Variants in TAFA1 observed in about 807,000 individuals in gnomAD.
TAFA1 encodes TAFA chemokine like family member 1.
Under a neutral mutation model 18.5 loss-of-function variants are expected in TAFA1, and 4 were observed. That is an observed-to-expected ratio of 0.22 (90% CI 0.11 to 0.49). The LOEUF (loss-of-function observed/expected upper bound fraction) is 0.49, where lower values mean the gene tolerates loss of function less well. Among genes scored for constraint, TAFA1 ranks in the 20% least tolerant of loss-of-function variants. The probability of loss-of-function intolerance (pLI) is 0.98; values close to 1 mark genes in which losing one functional copy is unlikely to be tolerated. For synonymous variants in TAFA1, 56 were observed against 55.2 expected (o/e 1.01, Z -0.06); for missense variants, 147 against 169.0 (o/e 0.87, Z 0.72).
chr3:68,389,163 C>G (rs765163982), intron 2 of TAFA1, among the ~76,000 whole-genome samples: 10 of 152,054 alleles, frequency 6.6e-5, no homozygotes, highest in Non-Finnish European at 1.3e-4. Context: ...TTTATTCTGC[C>G]TCGGGGGACT....
chr3:68,415,849 G>A (rs1180358690), intron 2 of TAFA1, among the ~76,000 whole-genome samples: 1 of 152,146 alleles, frequency 6.6e-6, no homozygotes, highest in African/African-American at 2.4e-5. Flanking sequence ...AAAAGAGGCT[G>A]ATATGAAAGC....
intron 2 of TAFA1, among the ~76,000 whole-genome samples, chr3:68,373,537 C>A (rs262202): frequency 6.6e-6 from 1 of 151,910 alleles, no homozygotes; most frequent in Admixed American, 6.6e-5. Context: ...ATCTGCTCTA[C>A]CCCCTTTGCC....
At chr3:68,479,879 T>TACAC (rs142114344) in intron 3 of TAFA1, among the ~76,000 whole-genome samples, 3 of 150,244 alleles carry the variant, frequency 2.0e-5, no homozygotes, top group East Asian at 1.9e-4. Context: ...TACACACGCA[T>TACAC]ACACACACAC....
chr3:68,335,623 G>A (rs954792915), intron 2 of TAFA1, among the ~76,000 whole-genome samples: 28 of 151,950 alleles, frequency 1.8e-4, no homozygotes, highest in Non-Finnish European at 4.0e-4. Context: ...AAAATATAAG[G>A]CATGTTTTTA....
Position 68,033,080 on chromosome 3 carries a change from A to G in TAFA1, c.118+26336A>G, listed in dbSNP as rs904353939. 3.3e-5 allele frequency among the ~76,000 whole-genome samples: 5 copies of G among 152,304 alleles called. No individual in the cohort carries two copies. The East Asian group carries it at 9.6e-4, about 29-fold the overall frequency. On this transcript the variant is annotated intron_variant, in intron 2 of 4. Coordinates refer to ENST00000478136, the MANE Select transcript of TAFA1 (RefSeq NM_213609.4). ...CTCAACAGTCACTTAGGAAGGTAATACCTAGTTGTGAAATACAATAATGAA... is the reference window on the plus strand; with the variant it reads ...CTCAACAGTCACTTAGGAAGGTAATGCCTAGTTGTGAAATACAATAATGAA...
intron 2 of TAFA1, among the ~76,000 whole-genome samples, chr3:68,075,420 A>G (rs991649340): frequency 6.6e-6 from 1 of 152,204 alleles, no homozygotes; most frequent in African/African-American, 2.4e-5. Context: ...ATGATATTAC[A>G]TTCAACCCCA....
chr3:68,514,354 A>C (rs893218061), intron 3 of TAFA1, among the ~76,000 whole-genome samples: 4 of 152,220 alleles, frequency 2.6e-5, no homozygotes, highest in Non-Finnish European at 5.9e-5. Context: ...ACTTTGAAAC[A>C]GTGCCTTTGA....
chr3:68,433,510 A>G (rs2071216374), intron 3 of TAFA1, among the ~76,000 whole-genome samples: 1 of 152,116 alleles, frequency 6.6e-6, no homozygotes, highest in Non-Finnish European at 1.5e-5. Context: ...ACATTTTAAT[A>G]CTATCTTTAT....
At chr3:68,237,384 A>C (rs1267911718) in intron 2 of TAFA1, among the ~76,000 whole-genome samples, 1 of 152,176 alleles carries the variant, frequency 6.6e-6, no homozygotes, top group Non-Finnish European at 1.5e-5. Flanking sequence ...TAGGATTTCA[A>C]CATATGAATT....
chr3:68,383,482 T>C (rs1427979297), intron 2 of TAFA1, among the ~76,000 whole-genome samples: 1 of 152,150 alleles, frequency 6.6e-6, no homozygotes, highest in African/African-American at 2.4e-5. Flanking sequence ...ATGAATCACA[T>C]TTATTTTTTT....
chr3:68,362,940 CT>C (rs10681791), intron 2 of TAFA1, among the ~76,000 whole-genome samples: 1,694 of 121,612 alleles, frequency 0.014, 17 homozygotes, highest in Non-Finnish European at 0.02. Context: ...AGATTTCTTC[CT>C]TTTTTTTTTT....
At chr3:68,045,742 T>C (rs1705254773) in intron 2 of TAFA1, among the ~76,000 whole-genome samples, 2 of 152,174 alleles carry the variant, frequency 1.3e-5, no homozygotes, top group Admixed American at 1.3e-4. Flanking sequence ...ATGATGTGTA[T>C]GTATTATTCT....
At chr3:68,220,461 A>C (rs2066715490) in intron 2 of TAFA1, among the ~76,000 whole-genome samples, 1 of 152,068 alleles carries the variant, frequency 6.6e-6, no homozygotes, top group Admixed American at 6.6e-5. Flanking sequence ...TCTACAATTA[A>C]TATGGTCTTA....
chr3:68,531,559 T>G (rs1283176438), intron 3 of TAFA1, among the ~76,000 whole-genome samples: 2 of 152,160 alleles, frequency 1.3e-5, no homozygotes. Context: ...CATGCTCATT[T>G]GAGGCATTTT....
At chr3:68,041,994 T>C (rs535588871) in intron 2 of TAFA1, among the ~76,000 whole-genome samples, 1 of 152,206 alleles carries the variant, frequency 6.6e-6, no homozygotes, top group South Asian at 2.1e-4. Context: ...TATCATATTG[T>C]TCAACAATTT....
At chr3:68,114,637 T>C (rs530853915) in intron 2 of TAFA1, among the ~76,000 whole-genome samples, 1 of 152,358 alleles carries the variant, frequency 6.6e-6, no homozygotes, top group South Asian at 2.1e-4. Context: ...TGTAAATTGG[T>C]ATGAAACACT....
chr3:68,482,986 G>A lies in TAFA1; in HGVS notation c.260-55770G>A, dbSNP rs2072266377. ...TAAATTCAACTTCTTTCTTAAGCCA[G>A]TTGGGGTCAGTTCTGTTGTTTCTTG... On this transcript the variant is annotated intron_variant, in intron 3 of 4. Transcript: ENST00000478136. 2.6e-5 allele frequency among the ~76,000 whole-genome samples: 4 copies of A among 152,330 alleles called. No individual in the cohort carries two copies. The South Asian group carries it at 6.2e-4, about 24-fold the overall frequency.
At chr3:68,231,228 G>T (rs2066866856) in intron 2 of TAFA1, among the ~76,000 whole-genome samples, 1 of 151,232 alleles carries the variant, frequency 6.6e-6, no homozygotes, top group South Asian at 2.1e-4. Context: ...TACTCAAAAA[G>T]GTAGAAAATT....
chr3:68,340,768 C>A (rs2069068926), intron 2 of TAFA1, among the ~76,000 whole-genome samples: 1 of 152,136 alleles, frequency 6.6e-6, no homozygotes, highest in African/African-American at 2.4e-5. Flanking sequence ...CATGCCCTGT[C>A]TTACATGTTG....
Sources: allele counts gnomAD v4.1 joint callset (sites outside exome capture counted in the v4.1 genomes callset), GRCh38; gene constraint gnomAD v4.1.1; transcripts MANE v1.5; gene names NCBI Gene and HGNC (gene_info 2026-07-23, HGNC 2026-07-21).